The following PCDHA4 variants were observed in gnomAD, a reference collection of about 807,000 sequenced individuals.
PCDHA4 encodes protocadherin alpha-4.
In PCDHA4, 49 loss-of-function variants were observed where a neutral mutation model predicts 61.4. That is an observed-to-expected ratio of 0.80 (90% CI 0.63 to 1.01). PCDHA4 has a LOEUF of 1.01. PCDHA4 is among the 50% of genes least tolerant of loss of function. The pLI is 0.00. For synonymous variants in PCDHA4, 590 were observed against 550.3 expected (o/e 1.07, Z -1.01); for missense variants, 1,254 against 1,235.8 (o/e 1.01, Z -0.22).
intron 1 of PCDHA4, chr5:140,859,407 TA>T (rs1351466050): frequency 4.1e-6 from 1 of 244,528 alleles, no homozygotes; most frequent in African/African-American, 2.3e-5. Context: ...AGGGTTGGGT[TA>T]GATGATATAG....
At chr5:140,869,843 A>C in intron 1 of PCDHA4, 1 of 1,611,638 alleles carries the variant, frequency 6.2e-7, no homozygotes, top group East Asian at 2.2e-5. Context: ...AAATCAGAAT[A>C]TAAGGTGAGC....
intron 1 of PCDHA4, among the ~76,000 whole-genome samples, chr5:140,894,449 A>G (rs1227566097): frequency 6.6e-6 from 1 of 151,950 alleles, no homozygotes; most frequent in Non-Finnish European, 1.5e-5. Flanking sequence ...TCTTTTTTAA[A>G]AAATATTTTA....
Position 141,009,608 on chromosome 5 carries a change from G to T in PCDHA4, c.2534-19G>T, listed in dbSNP as rs1350951999. On this transcript the variant is annotated intron_variant, in intron 3 of 3. Coordinates refer to ENST00000530339, the MANE Select transcript of PCDHA4 (RefSeq NM_018907.4). Reference sequence around the variant, plus strand: ...CATGTGTTGACCCTGTTAATGATTTGTAATGTTTTGTCTTTCAGAACCAGA... The same window carrying T: ...CATGTGTTGACCCTGTTAATGATTTTTAATGTTTTGTCTTTCAGAACCAGA... 1 of 1,610,774 alleles carries T rather than the reference G, an allele frequency of 6.2e-7. No individual in the cohort carries two copies. The highest frequency in any genetic ancestry group is 2.2e-5 in the East Asian group (1 of 44,832).
At chr5:140,857,932 C>T in intron 1 of PCDHA4, 1 of 1,597,630 alleles carries the variant, frequency 6.3e-7, no homozygotes, top group East Asian at 2.2e-5. Flanking sequence ...TGTACACGGG[C>T]GAGATCAGTA....
chr5:140,978,907 G>T (rs782602741), intron 1 of PCDHA4, 42 bp from the exon 2 acceptor site: 3 of 1,613,648 alleles, frequency 1.9e-6, no homozygotes, highest in East Asian at 2.2e-5. Flanking sequence ...GGAGAACATT[G>T]TCTTGTCATT....
At chr5:140,954,787 T>C (rs2095088208) in intron 1 of PCDHA4, among the ~76,000 whole-genome samples, 1 of 152,218 alleles carries the variant, frequency 6.6e-6, no homozygotes, top group African/African-American at 2.4e-5. Flanking sequence ...TAGATCTCAT[T>C]TGTCAATTTT....
At chr5:140,838,813 T>A (rs1372139803) in intron 1 of PCDHA4, among the ~76,000 whole-genome samples, 1 of 151,884 alleles carries the variant, frequency 6.6e-6, no homozygotes, top group Non-Finnish European at 1.5e-5. Flanking sequence ...TTTCAGCTAC[T>A]CAAGAAACTG....
chr5:140,877,255 C>A (rs1554169516), intron 1 of PCDHA4: 2 of 1,613,708 alleles, frequency 1.2e-6, no homozygotes, highest in Non-Finnish European at 8.5e-7. Flanking sequence ...GGCGAAAGTG[C>A]GCGCGGTGGA....
At chr5:140,882,864 C>G in intron 1 of PCDHA4, 2 of 1,614,200 alleles carry the variant, frequency 1.2e-6, no homozygotes, top group Non-Finnish European at 8.5e-7. Context: ...CTGAGGAAAA[C>G]ACTGGACAGA....
chr5:140,975,752 A>G (rs577986836), intron 1 of PCDHA4, among the ~76,000 whole-genome samples: 2 of 152,320 alleles, frequency 1.3e-5, no homozygotes, highest in East Asian at 1.9e-4. Flanking sequence ...CAAATATTCT[A>G]TGTCATAAAT....
At chr5:140,908,103 TC>T (rs1554193224) in intron 1 of PCDHA4, among the ~76,000 whole-genome samples, 2 of 152,192 alleles carry the variant, frequency 1.3e-5, no homozygotes, top group Non-Finnish European at 2.9e-5. Flanking sequence ...TGAAGTTCTG[TC>T]CACTGGGAAG....
At chr5:140,834,123 CTT>C (rs1476989067) in intron 1 of PCDHA4, 8 of 438,204 alleles carry the variant, frequency 1.8e-5, no homozygotes, top group Admixed American at 7.9e-5. Flanking sequence ...TGAAATAAAA[CTT>C]TTCATCTGAT....
chr5:140,888,088 C>G (rs941828532), intron 1 of PCDHA4, among the ~76,000 whole-genome samples: 3 of 151,906 alleles, frequency 2.0e-5, no homozygotes, highest in African/African-American at 4.8e-5. Flanking sequence ...ACATTTTTGT[C>G]CTTAGTTTGC....
At chr5:140,832,358 T>G (rs1293168381) in intron 1 of PCDHA4, among the ~76,000 whole-genome samples, 1 of 152,342 alleles carries the variant, frequency 6.6e-6, no homozygotes, top group South Asian at 2.1e-4. Flanking sequence ...TTTCCTAATG[T>G]GAGCATTTTC....
chr5:140,846,559 A>G (rs1780557744), intron 1 of PCDHA4, among the ~76,000 whole-genome samples: 1 of 147,840 alleles, frequency 6.8e-6, no homozygotes, highest in South Asian at 2.1e-4. Context: ...TATTTTTAGT[A>G]GAGTCGGGGT....
intron 3 of PCDHA4, among the ~76,000 whole-genome samples, chr5:140,995,400 C>T (rs2097681723): frequency 6.6e-6 from 1 of 152,062 alleles, no homozygotes; most frequent in Admixed American, 6.6e-5. Flanking sequence ...CGGGATGGCT[C>T]GAGATTTCAT....
At chr5:140,936,291 A>G (rs996685658) in intron 1 of PCDHA4, among the ~76,000 whole-genome samples, 2 of 152,174 alleles carry the variant, frequency 1.3e-5, no homozygotes, top group African/African-American at 4.8e-5. Flanking sequence ...CTTCTATAAC[A>G]TTGCTATCCA....
At chr5:140,867,315 G>A (rs2049883099) in intron 1 of PCDHA4, 1 of 151,948 alleles carries the variant, frequency 6.6e-6, no homozygotes. Flanking sequence ...CTGTCATCTG[G>A]TCTAATGTTA....
At chr5:140,927,896 A>C in intron 1 of PCDHA4, 1 of 1,614,200 alleles carries the variant, frequency 6.2e-7, no homozygotes, top group East Asian at 2.2e-5. Flanking sequence ...GACGTGAACG[A>C]TCATGCCCCC....
Sources: gnomAD v4.1 joint callset for allele counts (sites outside exome capture counted in the v4.1 genomes callset) on GRCh38, gnomAD v4.1.1 for gene constraint, MANE v1.5 for transcripts, NCBI Gene and HGNC (gene_info 2026-07-23, HGNC 2026-07-21) for gene names.